Variants in TRAPPC9 observed in about 807,000 individuals in gnomAD.
TRAPPC9 encodes IKK2 binding protein.
Under a neutral mutation model 124.0 loss-of-function variants are expected in TRAPPC9, and 83 were observed. The ratio of observed to expected loss-of-function variants is 0.67; its 90% confidence interval spans 0.56 to 0.80. The LOEUF is 0.80. Among genes scored for constraint, TRAPPC9 ranks in the 30% least tolerant of loss-of-function variants. The pLI is 0.00. For missense variants in TRAPPC9, 1,302 were observed against 1,508.3 expected (o/e 0.86, Z 2.27); for synonymous variants, 638 against 617.5 (o/e 1.03, Z -0.49).
chr8:139,881,449 C>T (rs1829667714), intron 21 of TRAPPC9, among the ~76,000 whole-genome samples: 1 of 152,166 alleles, frequency 6.6e-6, no homozygotes, highest in Non-Finnish European at 1.5e-5. Flanking sequence ...CTCCTATCCA[C>T]CCTTTATACC....
At chr8:140,391,177 T>C (rs2068913104) in intron 7 of TRAPPC9, among the ~76,000 whole-genome samples, 1 of 152,232 alleles carries the variant, frequency 6.6e-6, no homozygotes, top group Admixed American at 6.5e-5. Context: ...AAGAGAAAAT[T>C]AACCAGGAAC....
Position 140,141,789 on chromosome 8 carries a change from C to T in TRAPPC9, c.2556+79670G>A, listed in dbSNP as rs565277486. Among the ~76,000 whole-genome samples the T allele has an allele frequency of 2.4e-4, 37 of 152,316 alleles. No individual in the cohort carries two copies. The South Asian group carries it at 7.7e-3, about 32-fold the overall frequency. The stretch of plus-strand genomic sequence containing the variant: ...AAGATGACTTCAGCACCCCGGCGGG[C>T]GGCAGTGGCTACCTAGCTACCTTTA... On this transcript the variant is annotated intron_variant, in intron 17 of 22. Coordinates refer to ENST00000438773, the MANE Select transcript of TRAPPC9 (RefSeq NM_001160372.4).
At chr8:139,865,090 C>T (rs893422853) in intron 21 of TRAPPC9, among the ~76,000 whole-genome samples, 12 of 152,208 alleles carry the variant, frequency 7.9e-5, no homozygotes, top group African/African-American at 2.4e-4. Context: ...GATTAGGTGG[C>T]GGCAGAGGAA....
At chr8:139,795,707 A>T (rs62528704) in intron 21 of TRAPPC9, among the ~76,000 whole-genome samples, 44 of 152,132 alleles carry the variant, frequency 2.9e-4, no homozygotes, top group Non-Finnish European at 5.7e-4. Flanking sequence ...GTACGCAATT[A>T]AAGTGTTGGG....
chr8:140,019,046 T>A (rs964639182), intron 18 of TRAPPC9, among the ~76,000 whole-genome samples: 1 of 152,032 alleles, frequency 6.6e-6, no homozygotes, highest in African/African-American at 2.4e-5. Flanking sequence ...ATAATGTTTC[T>A]TTATCAACTG....
intron 18 of TRAPPC9, among the ~76,000 whole-genome samples, chr8:140,004,793 CT>C (rs1838640894): frequency 6.6e-6 from 1 of 152,184 alleles, no homozygotes; most frequent in Admixed American, 6.5e-5. Context: ...TTCCCCAAGT[CT>C]GGCAGATATC....
chr8:139,784,497 C>G (rs1822049239), intron 21 of TRAPPC9, among the ~76,000 whole-genome samples: 1 of 151,468 alleles, frequency 6.6e-6, no homozygotes, highest in Non-Finnish European at 1.5e-5. Context: ...TGGCCTGAAC[C>G]CAGGAGGCTG....
At chr8:140,225,524 T>C (rs2063428867) in intron 16 of TRAPPC9, among the ~76,000 whole-genome samples, 1 of 152,226 alleles carries the variant, frequency 6.6e-6, no homozygotes, top group South Asian at 2.1e-4. Context: ...CTCAGCACCA[T>C]GGACACAATT....
chr8:140,034,397 G>A (rs1300378732), intron 17 of TRAPPC9, among the ~76,000 whole-genome samples: 1 of 152,118 alleles, frequency 6.6e-6, no homozygotes, highest in Non-Finnish European at 1.5e-5. Flanking sequence ...GGGTTTCTGT[G>A]GACAACTCAC....
At chr8:140,404,779 A>C (rs1048375834) in intron 6 of TRAPPC9, among the ~76,000 whole-genome samples, 25 of 148,736 alleles carry the variant, frequency 1.7e-4, no homozygotes, top group African/African-American at 6.0e-4. Context: ...TGCGTGTGTG[A>C]GCATGCTTGT....
chr8:140,153,360 T>C (rs2061578488), intron 17 of TRAPPC9, among the ~76,000 whole-genome samples: 1 of 152,088 alleles, frequency 6.6e-6, no homozygotes, highest in African/African-American at 2.4e-5. Flanking sequence ...TGGAATGCAA[T>C]TGCTATGACC....
At chr8:140,343,883 C>G (rs1451501994) in intron 9 of TRAPPC9, among the ~76,000 whole-genome samples, 1 of 152,146 alleles carries the variant, frequency 6.6e-6, no homozygotes, top group African/African-American at 2.4e-5. Context: ...TAACCAAATC[C>G]ACACCCAGCT....
intron 17 of TRAPPC9, among the ~76,000 whole-genome samples, chr8:140,172,907 C>A (rs1366623760): frequency 6.6e-6 from 1 of 152,106 alleles, no homozygotes; most frequent in East Asian, 1.9e-4. Flanking sequence ...TGTCTCTGAG[C>A]CACTACACTT....
intron 20 of TRAPPC9, among the ~76,000 whole-genome samples, chr8:139,891,760 C>G (rs1032434244): frequency 6.6e-6 from 1 of 152,216 alleles, no homozygotes; most frequent in African/African-American, 2.4e-5. Flanking sequence ...GGTGGGCAGA[C>G]CAACAGCCAA....
At chr8:139,947,889 T>C (rs1343804485) in intron 19 of TRAPPC9, among the ~76,000 whole-genome samples, 2 of 47,138 alleles carry the variant, frequency 4.2e-5, no homozygotes, top group East Asian at 1.1e-3. Context: ...AAAAGAAATA[T>C]GTGTGTATAT....
chr8:140,314,667 TTCAC>T (rs2066397920), intron 9 of TRAPPC9, among the ~76,000 whole-genome samples: 1 of 152,220 alleles, frequency 6.6e-6, no homozygotes, highest in African/African-American at 2.4e-5. Context: ...GTTTAAAAAT[TTCAC>T]ACCTGAGGAA....
intron 11 of TRAPPC9, among the ~76,000 whole-genome samples, chr8:140,296,258 G>A (rs898440511): frequency 2.6e-5 from 4 of 152,098 alleles, no homozygotes; most frequent in African/African-American, 9.7e-5. Flanking sequence ...AGGAATCTTT[G>A]ACAATGTCTT....
intron 17 of TRAPPC9, among the ~76,000 whole-genome samples, chr8:140,025,307 G>T (rs773020981): frequency 6.6e-6 from 1 of 152,166 alleles, no homozygotes. Flanking sequence ...TCTGACCACC[G>T]CCTGTTTTTG....
intron 21 of TRAPPC9, among the ~76,000 whole-genome samples, chr8:139,773,216 A>G (rs1189461405): frequency 6.6e-6 from 1 of 152,240 alleles, no homozygotes; most frequent in African/African-American, 2.4e-5. Flanking sequence ...TGGCGCGCCC[A>G]GGTCTCTGCC....
Sources: gnomAD v4.1 joint callset for allele counts (sites outside exome capture counted in the v4.1 genomes callset) on GRCh38, gnomAD v4.1.1 for gene constraint, MANE v1.5 for transcripts, NCBI Gene and HGNC (gene_info 2026-07-23, HGNC 2026-07-21) for gene names.